Variants in ADAMTS18 observed in about 807,000 individuals in gnomAD.
The protein encoded by ADAMTS18 is ADAM metallopeptidase with thrombospondin type 1 motif 18, also known as A disintegrin and metalloproteinase with thrombospondin motifs 18.
A neutral mutation model predicts 165.9 loss-of-function variants in ADAMTS18; 157 were observed. That is an observed-to-expected ratio of 0.95 (90% CI 0.83 to 1.08). ADAMTS18 has a LOEUF of 1.08. Ranked by LOEUF, ADAMTS18 falls within the 50% of genes least tolerant of loss-of-function variation. The pLI is 0.00. For synonymous variants in ADAMTS18, 782 were observed against 578.2 expected, an observed-to-expected ratio of 1.35 and a Z score of -5.06; for missense variants, 2,040 against 1,534.0, an observed-to-expected ratio of 1.33 and a Z score of -5.51.
intron 16 of ADAMTS18, among the ~76,000 whole-genome samples, chr16:77,309,261 GA>G (rs1326083265): frequency 1.3e-5 from 2 of 151,798 alleles, no homozygotes; most frequent in Non-Finnish European, 2.9e-5. Flanking sequence ...ACTTGGTCAA[GA>G]AAATTATCTC....
At chr16:77,354,376 C>G (rs1306636040) in intron 9 of ADAMTS18, among the ~76,000 whole-genome samples, 2 of 151,596 alleles carry the variant, frequency 1.3e-5, no homozygotes, top group African/African-American at 4.9e-5. Flanking sequence ...TCACAATAAG[C>G]CTTACAGACA....
intron 16 of ADAMTS18, among the ~76,000 whole-genome samples, chr16:77,305,733 T>C (rs963384920): frequency 6.6e-6 from 1 of 152,194 alleles, no homozygotes; most frequent in African/African-American, 2.4e-5. Context: ...CAGCACGTGC[T>C]TTAGTGTGTC....
chr16:77,358,231 A>G (rs1192250283), intron 8 of ADAMTS18, among the ~76,000 whole-genome samples: 1 of 152,222 alleles, frequency 6.6e-6, no homozygotes, highest in Non-Finnish European at 1.5e-5. Flanking sequence ...AACAATAACA[A>G]CAATGATCAA....
intron 10 of ADAMTS18, among the ~76,000 whole-genome samples, chr16:77,345,912 C>A (rs2056468566): frequency 6.6e-6 from 1 of 152,148 alleles, no homozygotes; most frequent in Non-Finnish European, 1.5e-5. Flanking sequence ...AAAGTCCTAA[C>A]TGTCATCCAC....
rs1456539429 is a variant in ADAMTS18 at position 77,363,820 on chromosome 16, A to G, written c.1038T>C (p.Ile346=). 6.2e-7 allele frequency: 1 copy of G among 1,613,866 alleles called. No individual in the cohort carries two copies. The highest frequency in any genetic ancestry group is 8.5e-7 in the Non-Finnish European group (1 of 1,179,958). The stretch of plus-strand genomic sequence containing the variant: ...CACTTACAGGTTCTTGTTCCAGAAG[A>G]ATTAGGCTCACCACAACCACGTTTA... ...SDINVVVVSL[I]LLEQEPGGLL... The change falls in exon 6 of 23, where the codon ATT becomes ATC. Residue 346 remains isoleucine (I), a synonymous_variant. Transcript: ENST00000282849.
At chr16:77,301,352 C>T (rs946531673) in intron 16 of ADAMTS18, among the ~76,000 whole-genome samples, 3 of 151,748 alleles carry the variant, frequency 2.0e-5, no homozygotes, top group Non-Finnish European at 2.9e-5. Flanking sequence ...TTAAGTAAAG[C>T]CACCAACCAA....
intron 3 of ADAMTS18, 22 bp from the exon 4 acceptor site, chr16:77,367,745 A>C (rs1303914187): frequency 1.2e-6 from 2 of 1,614,096 alleles, no homozygotes; most frequent in African/African-American, 2.7e-5. Flanking sequence ...AACACAAAGC[A>C]AACAGTCATG....
intron 3 of ADAMTS18, among the ~76,000 whole-genome samples, chr16:77,394,833 G>A (rs979049129): frequency 6.6e-6 from 1 of 152,284 alleles, no homozygotes; most frequent in East Asian, 1.9e-4. Flanking sequence ...TGGTCCTTTA[G>A]CATCCGTGTT....
rs1459199299 is a variant in ADAMTS18, at chr16:77,282,171, ATAAT to A, written c.*1781_*1784del. The A allele has an allele frequency of 5.3e-5, 8 of 152,234 alleles. No homozygotes were observed. The highest frequency in any genetic ancestry group is 2.1e-4 in the South Asian group (1 of 4,834). 9.4% of individuals were successfully genotyped at this position (152,234 alleles called of 1,614,324 possible). On this transcript the variant is annotated 3_prime_UTR_variant, in exon 23 of 23. Transcript: ENST00000282849. ...AATACTTTATTATAAAACTTATAAA[ATAAT>A]TAAATATTACACATATATTTTGACT...
intron 16 of ADAMTS18, among the ~76,000 whole-genome samples, chr16:77,312,490 G>T (rs949572968): frequency 6.6e-6 from 1 of 152,112 alleles, no homozygotes; most frequent in African/African-American, 2.4e-5. Context: ...TACCCGCCTT[G>T]GCCTCCCAAA....
chr16:77,368,391 A>AC (rs1226001778), intron 3 of ADAMTS18, among the ~76,000 whole-genome samples: 1 of 146,488 alleles, frequency 6.8e-6, no homozygotes, highest in Non-Finnish European at 1.5e-5. Flanking sequence ...ATATAAAAAT[A>AC]CCCCCACTCA....
At position 77,362,104 on chromosome 16, in the gene ADAMTS18, C is replaced by A. The variant is rs1382296992; in HGVS notation, c.1216+1G>T. On this transcript the variant is annotated splice_donor_variant, in intron 7 of 22. Transcript: ENST00000282849. LOFTEE classifies it high-confidence loss of function. ...GTGTGAAGGATCTGTTCATACCATA[C>A]CTAGAGTGTCACATGGTTCATTCTT... is the stretch of plus-strand genomic sequence containing the variant. 2 of 1,614,006 alleles carry A rather than the reference C, an allele frequency of 1.2e-6. No individual in the cohort carries two copies. Among genetic ancestry groups the A allele is most frequent in the South Asian group, 1.1e-5 (1 of 91,076 alleles).
intron 3 of ADAMTS18, among the ~76,000 whole-genome samples, chr16:77,372,716 T>C (rs923745859): frequency 2.6e-5 from 4 of 152,180 alleles, no homozygotes; most frequent in African/African-American, 9.7e-5. Context: ...ATCCCAGCCA[T>C]CATATCTTCA....
Position 77,283,697 on chromosome 16 carries a change from C to T in ADAMTS18, c.*259G>A. ...GTGATTCACCACTTCTTGCATATAA[C>T]AGTGCAAATCAAAGATTTTTTTTAA... On this transcript the variant is annotated 3_prime_UTR_variant, in exon 23 of 23. Coordinates refer to ENST00000282849, the MANE Select transcript of ADAMTS18 (RefSeq NM_199355.4). 1 of 462,158 alleles carries T rather than the reference C, an allele frequency of 2.2e-6. No homozygotes were observed. Among genetic ancestry groups the T allele is most frequent in the Non-Finnish European group, 4.0e-6 (1 of 251,536 alleles). The allele number at this position is 462,158 out of a possible 1,614,324, so 28.6% of individuals were successfully genotyped here.
intron 3 of ADAMTS18, among the ~76,000 whole-genome samples, chr16:77,411,494 C>T (rs2057462494): frequency 6.6e-6 from 1 of 151,998 alleles, no homozygotes. Context: ...AGTTCATACA[C>T]TCATGACACT....
rs1239609283 is a variant in ADAMTS18 at position 77,325,875 on chromosome 16, T to C, written c.2023A>G (p.Lys675Glu). The C allele has an allele frequency of 1.9e-6, 3 of 1,613,712 alleles. No individual in the cohort carries two copies. Among genetic ancestry groups the C allele is most frequent in the Non-Finnish European group, 2.5e-6 (3 of 1,179,772 alleles). ...ATAGAGACCAAATTACCTTCCACTT[T>C]TGTATAGGGTTTCCACTGGTAGAAC... ...GWFYQWKPYT[K>E]VEEEDRCKLY... is the part of the protein sequence containing the mutation. The change falls in exon 13 of 23, where the codon AAA becomes GAA. Residue 675 changes from lysine to glutamate, a missense_variant. Coordinates refer to ENST00000282849, the MANE Select transcript of ADAMTS18 (RefSeq NM_199355.4).
intron 12 of ADAMTS18, among the ~76,000 whole-genome samples, chr16:77,331,598 G>C (rs1411734080): frequency 6.6e-6 from 1 of 152,128 alleles, no homozygotes; most frequent in African/African-American, 2.4e-5. Flanking sequence ...GTCCCAATCA[G>C]AGATTATTTT....
intron 2 of ADAMTS18, among the ~76,000 whole-genome samples, chr16:77,432,220 C>G (rs1381303921): frequency 6.6e-6 from 1 of 152,200 alleles, no homozygotes. Context: ...GCACTTGTAT[C>G]ACCCTTAGCA....
chr16:77,325,721 G>T, intron 13 of ADAMTS18, 145 bp downstream of exon 13: 1 of 797,608 alleles, frequency 1.3e-6, no homozygotes, highest in Non-Finnish European at 1.9e-6. Context: ...AAAACCCATG[G>T]AATGAAACAC....
Sources: allele counts gnomAD v4.1 joint callset (sites outside exome capture counted in the v4.1 genomes callset), GRCh38; gene constraint gnomAD v4.1.1; transcripts MANE v1.5; gene names NCBI Gene and HGNC (gene_info 2026-07-23, HGNC 2026-07-21).